The following SASH1 variants were observed in gnomAD, a reference collection of about 807,000 sequenced individuals.
The protein encoded by SASH1 is SAM and SH3 domain-containing protein 1.
Under a neutral mutation model 125.2 loss-of-function variants are expected in SASH1, and 44 were observed. The observed-to-expected ratio is 0.35, with a 90% confidence interval of 0.28 to 0.45. The LOEUF is 0.45. SASH1 is among the 20% of genes least tolerant of loss of function. SASH1 has a pLI of 1.00. For missense variants in SASH1, 1,426 were observed against 1,614.5 expected, an observed-to-expected ratio of 0.88 and a Z score of 2.00; for synonymous variants, 639 against 649.1, an observed-to-expected ratio of 0.98 and a Z score of 0.24.
rs1778099004 is a variant in SASH1, at chr6:148,471,357, T to C, written c.428-60T>C. Reference sequence around the variant, plus strand: ...AGGAAGAGGCTACTTTTGTTATTAATGATGAATTTATTGCTTGTGCTTTTT... The same window carrying C: ...AGGAAGAGGCTACTTTTGTTATTAACGATGAATTTATTGCTTGTGCTTTTT... On this transcript the variant is annotated intron_variant, in intron 5 of 19. Coordinates refer to ENST00000367467, the MANE Select transcript of SASH1 (RefSeq NM_015278.5). 7.6e-6 allele frequency: 8 copies of C among 1,052,126 alleles called. No homozygotes were observed. The East Asian group carries it at 2.1e-4, about 28-fold the overall frequency. The allele number at this position is 1,052,126 out of a possible 1,614,324, so 65.2% of individuals were successfully genotyped here.
the SASH1 span, among the ~76,000 whole-genome samples, chr6:148,204,151 G>A: frequency 1.3e-5 from 2 of 152,148 alleles, no homozygotes; most frequent in Non-Finnish European, 1.5e-5. Context: ...CGGGCCGCTC[G>A]GCAAGGCTCT....
chr6:148,512,490 A>G, intron 8 of SASH1: 1 of 985,352 alleles, frequency 1.0e-6, no homozygotes, highest in Non-Finnish European at 1.2e-6. Flanking sequence ...TGTTACCCAG[A>G]ATGAGGGTTA....
chr6:148,222,260 T>C, the SASH1 span, among the ~76,000 whole-genome samples: 3 of 152,264 alleles, frequency 2.0e-5, no homozygotes, highest in African/African-American at 7.2e-5. Context: ...ACACAATCCC[T>C]ATCTATGTCT....
chr6:148,277,113 G>A (rs1779207358), intron 1 of SASH1, among the ~76,000 whole-genome samples: 1 of 152,090 alleles, frequency 6.6e-6, no homozygotes, highest in Non-Finnish European at 1.5e-5. Context: ...CCATAACTAG[G>A]ATATATGGGA....
At chr6:148,422,898 A>C (rs1775631551) in intron 2 of SASH1, among the ~76,000 whole-genome samples, 1 of 152,114 alleles carries the variant, frequency 6.6e-6, no homozygotes, top group African/African-American at 2.4e-5. Flanking sequence ...TTTCTTTCTC[A>C]AATAATATGA....
rs191517719 is a variant in SASH1 at position 148,470,296 on chromosome 6, G to A, written c.428-1121G>A. Among the ~76,000 whole-genome samples the A allele has an allele frequency of 2.5e-3, 386 of 152,260 alleles. 5 individuals are homozygous for A. The highest frequency in any genetic ancestry group is 8.9e-3 in the African/African-American group (369 of 41,542). On this transcript the variant is annotated intron_variant, in intron 5 of 19. Coordinates refer to ENST00000367467, the MANE Select transcript of SASH1 (RefSeq NM_015278.5). ...GTGAGGGCATCCTGTTTTGACAGAC[G>A]ACGCCCTTTCTAGCCTGGGAGCACC... is the stretch of plus-strand genomic sequence containing the variant.
At chr6:148,395,098 A>T (rs1026639379) in intron 2 of SASH1, among the ~76,000 whole-genome samples, 8 of 152,232 alleles carry the variant, frequency 5.3e-5, no homozygotes, top group Non-Finnish European at 1.0e-4. Flanking sequence ...GATTTGTTGT[A>T]TCTGCTCTAG....
chr6:148,256,191 C>G, the SASH1 span, among the ~76,000 whole-genome samples: 2 of 152,170 alleles, frequency 1.3e-5, no homozygotes, highest in African/African-American at 4.8e-5. Flanking sequence ...CAGCCATGGT[C>G]TGTAACTTGA....
At chr6:148,391,422 T>TAAA (rs398038813) in intron 2 of SASH1, among the ~76,000 whole-genome samples, 236 of 114,378 alleles carry the variant, frequency 2.1e-3, no homozygotes, top group African/African-American at 5.1e-3. Flanking sequence ...GACACTTTTA[T>TAAA]AAAAAAAAAA....
chr6:148,354,029 C>G (rs963442866), intron 1 of SASH1, among the ~76,000 whole-genome samples: 2 of 151,878 alleles, frequency 1.3e-5, no homozygotes, highest in Non-Finnish European at 2.9e-5. Flanking sequence ...AAAGAGTAAC[C>G]AGGCATGGAC....
At chr6:148,367,429 A>C (rs952112718) in intron 1 of SASH1, among the ~76,000 whole-genome samples, 1 of 152,190 alleles carries the variant, frequency 6.6e-6, no homozygotes, top group East Asian at 1.9e-4. Context: ...ATGGCTGCCA[A>C]AGAATTGTTT....
intron 8 of SASH1, among the ~76,000 whole-genome samples, chr6:148,499,597 A>G (rs1779478507): frequency 6.6e-6 from 1 of 152,154 alleles, no homozygotes; most frequent in Admixed American, 6.5e-5. Context: ...GCACACAGAA[A>G]GTCCAGCAAG....
intron 1 of SASH1, among the ~76,000 whole-genome samples, chr6:148,305,813 A>G (rs1019800733): frequency 1.3e-5 from 2 of 152,156 alleles, no homozygotes; most frequent in Non-Finnish European, 2.9e-5. Flanking sequence ...AACTAGCAAC[A>G]TCAGAAAGCC....
At chr6:148,392,083 G>A (rs1457921817) in intron 2 of SASH1, among the ~76,000 whole-genome samples, 4 of 152,144 alleles carry the variant, frequency 2.6e-5, no homozygotes, top group African/African-American at 7.2e-5. Flanking sequence ...TCGGGAGTTC[G>A]AGACCAGCCT....
intron 8 of SASH1, among the ~76,000 whole-genome samples, chr6:148,504,228 A>T (rs1050221315): frequency 1.3e-5 from 2 of 152,154 alleles, no homozygotes; most frequent in African/African-American, 4.8e-5. Context: ...GCAGAAGATG[A>T]GCCATCAGGG....
At chr6:148,245,938 G>A in the SASH1 span, among the ~76,000 whole-genome samples, 2 of 150,796 alleles carry the variant, frequency 1.3e-5, no homozygotes, top group African/African-American at 4.9e-5. Flanking sequence ...AGCCCAGATC[G>A]CACCACTGTA....
chr6:148,378,313 C>T (rs1483989115), intron 1 of SASH1, among the ~76,000 whole-genome samples: 3 of 151,722 alleles, frequency 2.0e-5, no homozygotes, highest in African/African-American at 7.3e-5. Context: ...CTCAGCCTCC[C>T]AGAGTCCTGG....
chr6:148,232,103 T>G, the SASH1 span, among the ~76,000 whole-genome samples: 1 of 152,110 alleles, frequency 6.6e-6, no homozygotes, highest in Non-Finnish European at 1.5e-5. Flanking sequence ...CGGTATGATC[T>G]GGACAAGAGT....
chr6:148,510,460 TA>T (rs1780049995), intron 8 of SASH1, among the ~76,000 whole-genome samples: 1 of 152,190 alleles, frequency 6.6e-6, no homozygotes, highest in East Asian at 1.9e-4. Flanking sequence ...TGTGTGAATA[TA>T]TACTTTTATT....
Sources: gnomAD v4.1 joint callset for allele counts (sites outside exome capture counted in the v4.1 genomes callset) on GRCh38, gnomAD v4.1.1 for gene constraint, MANE v1.5 for transcripts, NCBI Gene and HGNC (gene_info 2026-07-23, HGNC 2026-07-21) for gene names.